FERMT2: variants seen among roughly 807,000 people sequenced by gnomAD.
FERMT2 encodes the protein FERM domain containing kindlin 2.
A neutral mutation model predicts 82.7 loss-of-function variants in FERMT2; 15 were observed. That is an observed-to-expected ratio of 0.18 (90% CI 0.12 to 0.28). FERMT2 has a LOEUF of 0.28. FERMT2 is among the 10% of genes least tolerant of loss of function. FERMT2 has a pLI of 1.00. For synonymous variants in FERMT2, 274 were observed against 271.5 expected (o/e 1.01, Z -0.09); for missense variants, 645 against 809.4 (o/e 0.80, Z 2.46).
At chr14:52,927,592 TAAA>T (rs71125150) in intron 2 of FERMT2, among the ~76,000 whole-genome samples, 28 of 33,722 alleles carry the variant, frequency 8.3e-4, no homozygotes, top group African/African-American at 2.7e-3. Context: ...CTCATCCCTA[TAAA>T]AAAAAAAAAA....
At chr14:52,868,723 A>C (rs1885437952) in intron 10 of FERMT2, among the ~76,000 whole-genome samples, 1 of 152,152 alleles carries the variant, frequency 6.6e-6, no homozygotes, top group African/African-American at 2.4e-5. Context: ...AGTGGTGTGC[A>C]CCTGCAGTGT....
At chr14:52,900,859 G>T (rs904241422) in intron 3 of FERMT2, among the ~76,000 whole-genome samples, 2 of 152,016 alleles carry the variant, frequency 1.3e-5, no homozygotes, top group African/African-American at 4.8e-5. Flanking sequence ...CTAGGGAAAA[G>T]ATCTTTTAGA....
At chr14:52,913,511 G>T (rs1888441849) in intron 3 of FERMT2, among the ~76,000 whole-genome samples, 2 of 152,128 alleles carry the variant, frequency 1.3e-5, no homozygotes, top group Admixed American at 1.3e-4. Context: ...ACGTAACCTA[G>T]ACTTGGCCAA....
chr14:52,900,073 C>A (rs972575272), intron 3 of FERMT2, among the ~76,000 whole-genome samples: 2 of 152,138 alleles, frequency 1.3e-5, no homozygotes, highest in African/African-American at 4.8e-5. Flanking sequence ...TGCTCCAGAA[C>A]CTCTATAACA....
chr14:52,891,108 A>C (rs563313652), intron 4 of FERMT2, among the ~76,000 whole-genome samples: 12 of 152,328 alleles, frequency 7.9e-5, no homozygotes, highest in South Asian at 2.1e-4. Flanking sequence ...CTGTTGTTAA[A>C]TATGTTCCAA....
intron 2 of FERMT2, among the ~76,000 whole-genome samples, chr14:52,921,180 G>A (rs1484168835): frequency 6.6e-6 from 1 of 152,090 alleles, no homozygotes; most frequent in Non-Finnish European, 1.5e-5. Context: ...TTCTACAATG[G>A]TGAAATTTAC....
At chr14:52,906,545 T>A (rs1334214783) in intron 3 of FERMT2, among the ~76,000 whole-genome samples, 7 of 61,790 alleles carry the variant, frequency 1.1e-4, no homozygotes, top group Admixed American at 2.0e-4. Context: ...GAGTAAAGGG[T>A]GGGGGTGGGG....
At chr14:52,922,195 C>A (rs967475437) in intron 2 of FERMT2, among the ~76,000 whole-genome samples, 13 of 152,224 alleles carry the variant, frequency 8.5e-5, no homozygotes, top group Admixed American at 7.9e-4. Flanking sequence ...TCCTTCAGGG[C>A]ATGCCTCAGA....
chr14:52,881,673 G>A, intron 4 of FERMT2: 1 of 943,034 alleles, frequency 1.1e-6, no homozygotes, highest in Non-Finnish European at 1.5e-6. Flanking sequence ...AAAGCCTTAA[G>A]AATATAATTA....
At chr14:52,931,713 A>C (rs1035628646) in intron 2 of FERMT2, among the ~76,000 whole-genome samples, 2 of 152,206 alleles carry the variant, frequency 1.3e-5, no homozygotes, top group African/African-American at 2.4e-5. Flanking sequence ...CACTTAACAC[A>C]TTCTCATTTA....
chr14:52,858,203 A>ATAGAT lies in FERMT2; in HGVS notation c.*169_*173dup, dbSNP rs1884687570. ...TTCAAGTTTATTATATCATAACATGATAGATTAATAGTCGTGCTTGTTTAG... is the reference window on the plus strand; with the variant it reads ...TTCAAGTTTATTATATCATAACATGATAGATTAGATTAATAGTCGTGCTTGTTTAG... On this transcript the variant is annotated 3_prime_UTR_variant, in exon 15 of 15. Coordinates refer to ENST00000341590, the MANE Select transcript of FERMT2 (RefSeq NM_006832.3). 6.9e-6 allele frequency: 4 copies of ATAGAT among 579,762 alleles called. No homozygotes were observed. In the African/African-American group the frequency reaches 7.5e-5, roughly 11 times the overall value. 35.9% of individuals were successfully genotyped at this position (579,762 alleles called of 1,614,324 possible).
chr14:52,923,599 C>T (rs920398096), intron 2 of FERMT2, among the ~76,000 whole-genome samples: 1 of 151,682 alleles, frequency 6.6e-6, no homozygotes, highest in African/African-American at 2.4e-5. Flanking sequence ...TGAATTCCAC[C>T]TCAGTTTCTC....
intron 3 of FERMT2, among the ~76,000 whole-genome samples, chr14:52,908,252 C>T (rs925774814): frequency 6.6e-6 from 1 of 152,182 alleles, no homozygotes; most frequent in East Asian, 1.9e-4. Context: ...AGTACAGCCA[C>T]TTTGGAAAAG....
intron 2 of FERMT2, among the ~76,000 whole-genome samples, chr14:52,920,978 A>T (rs1162982442): frequency 6.6e-6 from 1 of 152,092 alleles, no homozygotes; most frequent in Non-Finnish European, 1.5e-5. Context: ...ATTTTTTGCA[A>T]ATAAAAATTA....
intron 3 of FERMT2, among the ~76,000 whole-genome samples, chr14:52,904,024 GC>G (rs1376524098): frequency 7.9e-5 from 12 of 152,338 alleles, no homozygotes; most frequent in Non-Finnish European, 7.4e-5. Flanking sequence ...AATATATGTT[GC>G]AAAAGCAGCA....
chr14:52,860,788 C>A (rs902682125), intron 12 of FERMT2: 2 of 581,484 alleles, frequency 3.4e-6, no homozygotes, highest in Non-Finnish European at 5.9e-6. Flanking sequence ...TCCACATATA[C>A]ACGAGTTTTA....
At chr14:52,943,098 C>T (rs1890169828) in intron 2 of FERMT2, among the ~76,000 whole-genome samples, 1 of 149,350 alleles carries the variant, frequency 6.7e-6, no homozygotes, top group African/African-American at 2.5e-5. Flanking sequence ...ATCCCAGCTA[C>T]TTGGGAGGCT....
At position 52,858,325 on chromosome 14, in the gene FERMT2, T is replaced by TTAAAGTTAAATATTGTTATGGCCG; in HGVS notation, c.*28_*51dup. ...TTAAGCAGCATATAACAAACAGCTT[T>TTAAAGTTAAATATTGTTATGGCCG]TAAAGTTAAATATTGTTATGGCCGT... On this transcript the variant is annotated 3_prime_UTR_variant, in exon 15 of 15. Transcript: ENST00000341590. 4.7e-6 allele frequency: 7 copies of TTAAAGTTAAATATTGTTATGGCCG among 1,498,182 alleles called. No homozygotes were observed. The highest frequency in any genetic ancestry group is 6.5e-6 in the Non-Finnish European group (7 of 1,081,342). 92.8% of individuals were successfully genotyped at this position (1,498,182 alleles called of 1,614,324 possible). A position where few individuals can be genotyped will look rare whatever the true frequency, so the allele number is the denominator to read the frequency against.
intron 10 of FERMT2, among the ~76,000 whole-genome samples, chr14:52,869,788 A>C (rs892303230): frequency 6.6e-6 from 1 of 152,188 alleles, no homozygotes; most frequent in African/African-American, 2.4e-5. Context: ...TTCCAGAAGA[A>C]GGCATTGTTA....
Sources: gnomAD v4.1 joint callset for allele counts (sites outside exome capture counted in the v4.1 genomes callset) on GRCh38, gnomAD v4.1.1 for gene constraint, MANE v1.5 for transcripts, NCBI Gene and HGNC (gene_info 2026-07-23, HGNC 2026-07-21) for gene names.